Variants in ATP13A4 observed in about 807,000 individuals in gnomAD.
ATP13A4 encodes the protein ATPase 13A4, also known as probable cation-transporting ATPase 13A4.
Under a neutral mutation model 142.5 loss-of-function variants are expected in ATP13A4, and 114 were observed. The ratio of observed to expected loss-of-function variants is 0.80; its 90% CI spans 0.69 to 0.93. The LOEUF is 0.93. Ranked by LOEUF, ATP13A4 falls within the 40% of genes least tolerant of loss-of-function variation. ATP13A4 has a pLI of 0.00. For synonymous variants in ATP13A4, 488 were observed against 514.8 expected (o/e 0.95, Z 0.70); for missense variants, 1,392 against 1,454.0 (o/e 0.96, Z 0.69).
intron 2 of ATP13A4, 91 bp from the exon 3 acceptor site, chr3:193,502,730 G>T: frequency 7.5e-7 from 1 of 1,342,248 alleles, no homozygotes; most frequent in Non-Finnish European, 1.1e-6. Flanking sequence ...ATATAATTCT[G>T]TAAGTGTTTG....
At chr3:193,522,365 AT>A (rs1721770281) in intron 1 of ATP13A4, among the ~76,000 whole-genome samples, 2 of 152,182 alleles carry the variant, frequency 1.3e-5, no homozygotes, top group Admixed American at 1.3e-4. Flanking sequence ...ACTTTTTATT[AT>A]GTTCCAGTCA....
chr3:193,439,153 T>A lies in ATP13A4; in HGVS notation c.2520-88A>T, dbSNP rs1716475441. On this transcript the variant is annotated intron_variant, in intron 21 of 29. Coordinates refer to ENST00000342695, the MANE Select transcript of ATP13A4 (RefSeq NM_032279.4). Reference sequence around the variant, plus strand: ...AAAAAACAAAGTAACCATCATTACTTAGGGTTCAAACTCATTATTTAAGGG... The same window carrying A: ...AAAAAACAAAGTAACCATCATTACTAAGGGTTCAAACTCATTATTTAAGGG... 3 of 1,356,086 alleles carry A rather than the reference T, an allele frequency of 2.2e-6. No individual in the cohort carries two copies. The Admixed American group carries it at 5.0e-5, about 23-fold the overall frequency. The allele number at this position is 1,356,086 out of a possible 1,614,324, so 84.0% of individuals were successfully genotyped here. A position where few individuals can be genotyped will look rare whatever the true frequency, so the allele number is the denominator to read the frequency against.
intron 1 of ATP13A4, among the ~76,000 whole-genome samples, chr3:193,548,760 G>T (rs1723368484): frequency 6.6e-6 from 1 of 152,204 alleles, no homozygotes; most frequent in Non-Finnish European, 1.5e-5. Context: ...CTGAAGGCAT[G>T]ACAGGACTTC....
chr3:193,432,089 A>G (rs2108615980), intron 25 of ATP13A4, among the ~76,000 whole-genome samples: 1 of 147,024 alleles, frequency 6.8e-6, no homozygotes, highest in Non-Finnish European at 1.5e-5. Context: ...AATGTATTAT[A>G]TGCCATCATT....
In ATP13A4 at chr3:193,591,894, A is replaced by G. The variant is rs1270866844; in HGVS notation, n.91+1127T>C. Among the ~76,000 whole-genome samples, 7 of 152,136 alleles carry G rather than the reference A, an allele frequency of 4.6e-5. 1 individual carries two copies. Among genetic ancestry groups the G allele is most frequent in the Non-Finnish European group, 1.0e-4 (7 of 68,018 alleles). On this transcript the variant is annotated intron_variant and non_coding_transcript_variant, in intron 1 of 3. Coordinates refer to the ATP13A4 transcript ENST00000489140. ...AAGACACTTTTTGTACAACCCTACAATCCCAGGAAGATCTACAGTTTGCAC... is the reference window on the plus strand; with the variant it reads ...AAGACACTTTTTGTACAACCCTACAGTCCCAGGAAGATCTACAGTTTGCAC...
chr3:193,529,011 C>T (rs1347517739), intron 1 of ATP13A4, among the ~76,000 whole-genome samples: 1 of 152,152 alleles, frequency 6.6e-6, no homozygotes, highest in Non-Finnish European at 1.5e-5. Flanking sequence ...GTGGCTCACA[C>T]CTGTAATCCC....
intron 8 of ATP13A4, among the ~76,000 whole-genome samples, chr3:193,473,023 G>A (rs971014354): frequency 6.6e-6 from 1 of 152,176 alleles, no homozygotes; most frequent in African/African-American, 2.4e-5. Context: ...TACACCAATA[G>A]TAATGAGCAC....
chr3:193,558,671 G>A (rs1577080945), upstream of ATP13A4, among the ~76,000 whole-genome samples: 1 of 152,160 alleles, frequency 6.6e-6, no homozygotes, highest in East Asian at 1.9e-4. Flanking sequence ...ATACAGGTGG[G>A]AAAGGAAAGC....
intron 16 of ATP13A4, among the ~76,000 whole-genome samples, chr3:193,455,631 C>A (rs991030619): frequency 1.3e-5 from 2 of 152,170 alleles, no homozygotes; most frequent in Non-Finnish European, 2.9e-5. Context: ...CACAGTGATA[C>A]CCCAAAGTCC....
At position 193,470,942 on chromosome 3, in the gene ATP13A4, A is replaced by G; in HGVS notation, c.860T>C (p.Ile287Thr). Residue 287 changes from isoleucine (I) to threonine (T), a missense_variant, in exon 9 of 30, where the codon ATT becomes ACT. Transcript: ENST00000342695. The stretch of plus-strand genomic sequence containing the variant: ...CATTAGCACTTTGTTCCCTGTCAAA[A>G]TTAATAAATCTCCAGGCACCAGGAC... ...SRVLVPGDLL[I>T]LTGNKVLMPC... The G allele has an allele frequency of 3.1e-6, 5 of 1,614,170 alleles. No homozygotes were observed. The South Asian group carries it at 3.3e-5, about 11-fold the overall frequency.
intron 29 of ATP13A4, 39 bp from the exon 30 acceptor site, chr3:193,402,903 G>A (rs1576926366): frequency 6.3e-7 from 1 of 1,576,720 alleles, no homozygotes; most frequent in Admixed American, 1.7e-5. Context: ...AGCAAGGGTT[G>A]AGTGTTTTGA....
intron 25 of ATP13A4, among the ~76,000 whole-genome samples, chr3:193,419,257 T>C (rs1307787768): frequency 6.7e-6 from 1 of 149,910 alleles, no homozygotes; most frequent in Non-Finnish European, 1.5e-5. Context: ...AAAAGAGTAC[T>C]ATGGTAAAGC....
chr3:193,547,678 A>G (rs7647975), intron 1 of ATP13A4, among the ~76,000 whole-genome samples: 2,847 of 152,230 alleles, frequency 0.019, 62 homozygotes, highest in African/African-American at 0.058. Context: ...CACTTTCATT[A>G]TATTTGTAGC....
chr3:193,435,783 G>T, intron 23 of ATP13A4, 39 bp from the exon 24 acceptor site: 1 of 1,533,782 alleles, frequency 6.5e-7, no homozygotes, highest in South Asian at 1.1e-5. Flanking sequence ...TGAAAGTAAT[G>T]AAAAGACATA....
intron 25 of ATP13A4, among the ~76,000 whole-genome samples, chr3:193,418,080 C>G (rs1715185461): frequency 1.8e-5 from 2 of 113,136 alleles, no homozygotes; most frequent in African/African-American, 6.8e-5. Context: ...CGAGATCCCG[C>G]CACTGCACTC....
intron 25 of ATP13A4, among the ~76,000 whole-genome samples, chr3:193,427,862 T>C (rs1230800261): frequency 6.6e-6 from 1 of 152,122 alleles, no homozygotes; most frequent in Non-Finnish European, 1.5e-5. Flanking sequence ...GGCAATACCA[T>C]TCCGGACATA....
At chr3:193,515,642 G>A (rs1721369455) in intron 1 of ATP13A4, among the ~76,000 whole-genome samples, 1 of 152,190 alleles carries the variant, frequency 6.6e-6, no homozygotes, top group South Asian at 2.1e-4. Context: ...AGACCCCAGA[G>A]GATACATACA....
intron 17 of ATP13A4, among the ~76,000 whole-genome samples, chr3:193,449,991 C>A (rs1329176764): frequency 2.0e-5 from 3 of 151,758 alleles, no homozygotes; most frequent in Non-Finnish European, 4.4e-5. Flanking sequence ...TGGTGCCAGG[C>A]GCCTGTAATC....
At chr3:193,548,311 C>A (rs78912308) in intron 1 of ATP13A4, among the ~76,000 whole-genome samples, 10,293 of 152,148 alleles carry the variant, frequency 0.068, 406 homozygotes, top group Non-Finnish European at 0.087. Context: ...AGTTTTTGTG[C>A]CAGGTACTGT....
Sources: gnomAD v4.1 joint callset for allele counts (sites outside exome capture counted in the v4.1 genomes callset) on GRCh38, gnomAD v4.1.1 for gene constraint, MANE v1.5 for transcripts, NCBI Gene and HGNC (gene_info 2026-07-23, HGNC 2026-07-21) for gene names.